Variants in KIF14 observed in about 807,000 individuals in gnomAD.
The protein encoded by KIF14 is kinesin-like protein KIF14.
In KIF14, 98 loss-of-function variants were observed where a neutral mutation model predicts 176.2. That is an observed-to-expected ratio of 0.56 (90% CI 0.47 to 0.66). KIF14 has a LOEUF of 0.66. KIF14 is among the 30% of genes least tolerant of loss of function. The pLI is 0.00. For synonymous variants in KIF14, 566 were observed against 632.2 expected, an observed-to-expected ratio of 0.90 and a Z score of 1.57; for missense variants, 1,751 against 1,920.4, an observed-to-expected ratio of 0.91 and a Z score of 1.65.
intron 10 of KIF14, among the ~76,000 whole-genome samples, chr1:200,602,573 G>A (rs1659678500): frequency 6.6e-6 from 1 of 152,122 alleles, no homozygotes; most frequent in Non-Finnish European, 1.5e-5. Flanking sequence ...AAAAAAATCA[G>A]ATTTTCCCTT....
chr1:200,585,705 A>G (rs1332520317), intron 19 of KIF14, among the ~76,000 whole-genome samples: 2 of 152,084 alleles, frequency 1.3e-5, no homozygotes, highest in Non-Finnish European at 2.9e-5. Context: ...TACCATCTTC[A>G]TGCTATGTCC....
At chr1:200,581,327 A>C in intron 19 of KIF14, 33 bp from the exon 20 acceptor site, 1 of 1,210,478 alleles carries the variant, frequency 8.3e-7, no homozygotes, top group Non-Finnish European at 1.2e-6. Flanking sequence ...GATTCAAAAT[A>C]CATACATGGA....
In KIF14 at chr1:200,615,410, C is replaced by T; in HGVS notation, c.1312G>A (p.Gly438Ser). Reference protein sequence around the residue: ...AAPLLERAFEGFNTCLFAYGQ... With the variant: ...AAPLLERAFESFNTCLFAYGQ... ...TAAGCAAAAAGACAGGTATTGAAGC[C>T]TTCGAAGGCTCTTTCTAGGAGTGGT... The change falls in exon 3 of 30, where the codon GGC (glycine) becomes AGC (serine). Residue 438 changes from glycine to serine, a missense_variant. Transcript: ENST00000367350. The T allele has an allele frequency of 6.2e-7, 1 of 1,614,114 alleles. No individual in the cohort carries two copies. The highest frequency in any genetic ancestry group is 1.3e-5 in the African/African-American group (1 of 75,054).
chr1:200,572,718 ATC>A (rs1414988666), intron 22 of KIF14, among the ~76,000 whole-genome samples: 1 of 152,238 alleles, frequency 6.6e-6, no homozygotes, highest in Admixed American at 6.5e-5. Context: ...CAAAGTTTAA[ATC>A]TGTTTATAAT....
intron 4 of KIF14, among the ~76,000 whole-genome samples, chr1:200,612,581 T>C (rs536499339): frequency 6.6e-6 from 1 of 152,286 alleles, no homozygotes; most frequent in Admixed American, 6.5e-5. Flanking sequence ...CATATTTCTA[T>C]TGATCCCCAT....
intron 2 of KIF14, among the ~76,000 whole-genome samples, chr1:200,617,062 G>A (rs148678866): frequency 4.6e-5 from 7 of 152,192 alleles, no homozygotes; most frequent in Middle Eastern, 3.4e-3. Context: ...CTGCCTCCCG[G>A]GTTCAAGTGA....
At chr1:200,582,366 T>A (rs556732936) in intron 19 of KIF14, among the ~76,000 whole-genome samples, 1 of 143,550 alleles carries the variant, frequency 7.0e-6, no homozygotes, top group African/African-American at 2.8e-5. Context: ...GAGCAAGACT[T>A]TGTCTCAAAA....
At chr1:200,594,818 A>G (rs922582790) in intron 14 of KIF14, among the ~76,000 whole-genome samples, 5 of 152,254 alleles carry the variant, frequency 3.3e-5, no homozygotes, top group African/African-American at 1.2e-4. Flanking sequence ...TAATTAAAGC[A>G]TCTAGAGAAA....
rs760556501 is a variant in KIF14 at position 200,603,928 on chromosome 1, C to T, written c.1774G>A (p.Asp592Asn). The change falls in exon 9 of 30, where the codon GAT (aspartate) becomes AAT (asparagine). Residue 592 changes from aspartate (D) to asparagine (N), a missense_variant. By Grantham distance (23) the Asp-to-Asn change is conservative. Transcript: ENST00000367350. ...KTEFVEGEEH[D>N]HRITSRINLI... Reference sequence around the variant, plus strand: ...TTAATTCGACTTGTTATTCTGTGATCGTGTTCTTCCCCTTCCACAAATTCT... The same window carrying T: ...TTAATTCGACTTGTTATTCTGTGATTGTGTTCTTCCCCTTCCACAAATTCT... 24 of 1,612,914 alleles carry T rather than the reference C, an allele frequency of 1.5e-5. No individual in the cohort carries two copies. Among genetic ancestry groups the T allele is most frequent in the African/African-American group, 2.7e-5 (2 of 74,902 alleles).
In KIF14 at chr1:200,618,319, T is replaced by C. The variant is rs1486446063; in HGVS notation, c.405A>G (p.Thr135=). ...AKTDSAEKWK[T]AEIDSVKMTL... is the part of the protein sequence containing the mutation. ...TCATTTTGACAGAATCTATTTCAGC[T>C]GTTTTCCACTTTTCTGCAGAATCTG... is the stretch of plus-strand genomic sequence containing the variant. The change falls in exon 2 of 30, where the codon ACA becomes ACG. Residue 135 remains threonine (T), a synonymous_variant. Transcript: ENST00000367350. 6.2e-7 allele frequency: 1 copy of C among 1,614,020 alleles called. No individual in the cohort carries two copies.
At chr1:200,615,962 AT>A (rs1267058553) in intron 2 of KIF14, among the ~76,000 whole-genome samples, 2 of 152,060 alleles carry the variant, frequency 1.3e-5, no homozygotes, top group Non-Finnish European at 2.9e-5. Context: ...TATTATACAA[AT>A]TTGGGGGGGT....
At chr1:200,614,551 G>A (rs114762507) in intron 3 of KIF14, 146 bp from the exon 4 acceptor site, 5,910 of 583,642 alleles carry the variant, frequency 0.01, 66 homozygotes, top group South Asian at 0.02. Context: ...AAATCTGCCT[G>A]AGTCCAAATC....
intron 5 of KIF14, 23 bp from the exon 6 acceptor site, chr1:200,606,821 T>C (rs375004878): frequency 7.7e-6 from 12 of 1,567,252 alleles, no homozygotes; most frequent in Non-Finnish European, 9.7e-6. Flanking sequence ...AATACATGCA[T>C]CATTAGGAGT....
At chr1:200,601,187 A>G (rs1659608693) in intron 11 of KIF14, among the ~76,000 whole-genome samples, 1 of 152,124 alleles carries the variant, frequency 6.6e-6, no homozygotes, top group Admixed American at 6.6e-5. Flanking sequence ...CCGGCCCAGA[A>G]TACTTATTTT....
At chr1:200,609,992 G>A (rs146674900) in intron 4 of KIF14, among the ~76,000 whole-genome samples, 8 of 152,284 alleles carry the variant, frequency 5.3e-5, no homozygotes, top group Admixed American at 4.6e-4. Context: ...TCCAGAACAG[G>A]TAAATTCATA....
At chr1:200,582,194 G>C (rs1571505707) in intron 19 of KIF14, among the ~76,000 whole-genome samples, 1 of 152,180 alleles carries the variant, frequency 6.6e-6, no homozygotes, top group Non-Finnish European at 1.5e-5. Context: ...GGGCAATATA[G>C]TGGCACCCTA....
chr1:200,552,340 G>A lies in KIF14; in HGVS notation c.*1048C>T, dbSNP rs1005150810. 1 of 150,864 alleles carries A rather than the reference G, an allele frequency of 6.6e-6. No homozygotes were observed. The allele number at this position is 150,864 out of a possible 1,614,324, so 9.3% of individuals were successfully genotyped here. ...CTTTATTACTTGATCATAAATAAAGGTTTTTTTTTAAAGCTGTGGAAAATA... is the reference window on the plus strand; with the variant it reads ...CTTTATTACTTGATCATAAATAAAGATTTTTTTTTAAAGCTGTGGAAAATA... On this transcript the variant is annotated 3_prime_UTR_variant, in exon 30 of 30. Transcript: ENST00000367350.
At chr1:200,599,299 G>T (rs992937860) in intron 13 of KIF14, among the ~76,000 whole-genome samples, 2 of 152,096 alleles carry the variant, frequency 1.3e-5, no homozygotes, top group African/African-American at 4.8e-5. Context: ...ATCTCCTTAT[G>T]ATCTCATATA....
intron 21 of KIF14, among the ~76,000 whole-genome samples, chr1:200,577,027 C>T (rs1186301172): frequency 1.3e-5 from 2 of 151,822 alleles, no homozygotes; most frequent in African/African-American, 2.4e-5. Flanking sequence ...GAGACAGGGT[C>T]GGCTGGGTGT....
Sources: gnomAD v4.1 joint callset for allele counts (sites outside exome capture counted in the v4.1 genomes callset) on GRCh38, gnomAD v4.1.1 for gene constraint, MANE v1.5 for transcripts, NCBI Gene and HGNC (gene_info 2026-07-23, HGNC 2026-07-21) for gene names.